Variants in TMEM200C observed in about 807,000 individuals in gnomAD.
TMEM200C encodes transmembrane protein TTMA.
For synonymous variants in TMEM200C, 462 were observed against 324.7 expected, an observed-to-expected ratio of 1.42 and a Z score of -4.55; for missense variants, 966 against 699.9, an observed-to-expected ratio of 1.38 and a Z score of -4.29.
intron 2 of TMEM200C, among the ~76,000 whole-genome samples, chr18:5,893,063 G>A (rs1240180191): frequency 2.0e-5 from 3 of 152,134 alleles, no homozygotes; most frequent in Admixed American, 1.3e-4. Context: ...CAGGGAATTT[G>A]AGAAGTCCCC....
chr18:5,883,613 A>C (rs2095163299), exon 3 of TMEM200C: 1 of 152,176 alleles, frequency 6.6e-6, no homozygotes, highest in Admixed American at 6.5e-5. Flanking sequence ...AACAAAGATA[A>C]ATTATTTATG....
chr18:5,891,566 C>T lies in TMEM200C; in HGVS notation c.498G>A (p.Lys166=), dbSNP rs755948909. ...TGCCCATGATGAGGGGCCCGAAGACCTTGAGCTTGTCAGAGTGCAGGTAGC... is the reference window on the plus strand; with the variant it reads ...TGCCCATGATGAGGGGCCCGAAGACTTTGAGCTTGTCAGAGTGCAGGTAGC... The change falls in exon 3 of 3, where the codon AAG becomes AAA. Residue 166 remains lysine (K), a synonymous_variant. Coordinates refer to ENST00000581347, the Ensembl canonical transcript of TMEM200C. The surrounding 1 kb of genome is among the most constrained non-coding windows in gnomAD (Gnocchi z 4.7). 4.0e-5 allele frequency: 64 copies of T among 1,613,676 alleles called. No individual in the cohort carries two copies. The highest frequency in any genetic ancestry group is 5.2e-5 in the Non-Finnish European group (61 of 1,179,838).
At chr18:5,889,213 A>C (rs895326935) in exon 3 of TMEM200C, 1 of 152,210 alleles carries the variant, frequency 6.6e-6, no homozygotes, top group Admixed American at 6.5e-5. Context: ...TATTTACTTA[A>C]CGTTTCATTC....
chr18:5,890,680 C>A (rs896400866), exon 3 of TMEM200C: 3 of 539,786 alleles, frequency 5.6e-6, no homozygotes, highest in South Asian at 6.8e-5. Context: ...GCGTACCTGC[C>A]GGTCCTGGGC....
At chr18:5,895,835 T>C (rs2095175767) in intron 1 of TMEM200C, 1 of 151,086 alleles carries the variant, frequency 6.6e-6, no homozygotes, top group African/African-American at 2.4e-5. Flanking sequence ...GGCAGCTTTG[T>C]TCTTCTTTCC....
chr18:5,890,120 C>G lies in TMEM200C; in HGVS notation c.*78G>C, dbSNP rs1451134808. 2.8e-5 allele frequency: 38 copies of G among 1,341,900 alleles called. No individual in the cohort carries two copies. The East Asian group carries it at 9.5e-4, about 34-fold the overall frequency. 83.1% of individuals were successfully genotyped at this position (1,341,900 alleles called of 1,614,324 possible). A position where few individuals can be genotyped will look rare whatever the true frequency, so the allele number is the denominator to read the frequency against. On this transcript the variant is annotated 3_prime_UTR_variant, in exon 3 of 3. Transcript: ENST00000581347. ...TCCTCGGATCAGTCCACAAAAGAAA[C>G]AGGGACCTGTTAATGCACTGATTCA...
exon 3 of TMEM200C, chr18:5,884,339 A>T (rs528354459): frequency 1.3e-5 from 2 of 152,184 alleles, no homozygotes; most frequent in South Asian, 4.2e-4. Context: ...CACCTTTCCC[A>T]GCTTTTTGTA....
rs1182271929 is a variant in TMEM200C, at chr18:5,891,245, G to A, written c.819C>T (p.Phe273=). ...CCTTGGCCAGCATCGCCGCCGCTCC[G>A]AAGGCGTCCCCGGAGCCACCGCAGC... The change falls in exon 3 of 3, where the codon TTC becomes TTT. Residue 273 remains phenylalanine (F), a synonymous_variant. Coordinates refer to ENST00000581347, the Ensembl canonical transcript of TMEM200C. The surrounding 1 kb of genome is among the most constrained non-coding windows in gnomAD (Gnocchi z 4.7). The A allele has an allele frequency of 1.5e-6, 2 of 1,372,032 alleles. No individual in the cohort carries two copies. Among genetic ancestry groups the A allele is most frequent in the Non-Finnish European group, 1.9e-6 (2 of 1,057,066 alleles). The allele number at this position is 1,372,032 out of a possible 1,614,324, so 85.0% of individuals were successfully genotyped here.
At chr18:5,895,560 GCGC>G (rs1245072809) in intron 1 of TMEM200C, 38 bp from the exon 1 acceptor site, 1 of 145,230 alleles carries the variant, frequency 6.9e-6, no homozygotes, top group Non-Finnish European at 1.5e-5. Flanking sequence ...GAGTCGGGGG[GCGC>G]CCCCGCCCCC....
chr18:5,895,929 C>G (rs752841288), exon 1 of TMEM200C: 3 of 152,444 alleles, frequency 2.0e-5, no homozygotes, highest in Non-Finnish European at 2.9e-5. Flanking sequence ...GAGGGGCGCT[C>G]TCGGGGAGCT....
chr18:5,885,616 A>G (rs1381124592), exon 3 of TMEM200C: 2 of 152,228 alleles, frequency 1.3e-5, no homozygotes, highest in Non-Finnish European at 2.9e-5. Flanking sequence ...TTCTGATGTC[A>G]TAGATGAACG....
At chr18:5,890,070 G>T in exon 3 of TMEM200C, 2 of 849,730 alleles carry the variant, frequency 2.4e-6, no homozygotes, top group Non-Finnish European at 1.7e-6. Context: ...ATAACATTCT[G>T]CAGCTCTTTG....
exon 3 of TMEM200C, chr18:5,887,457 A>C (rs967045590): frequency 2.0e-5 from 3 of 152,178 alleles, no homozygotes; most frequent in African/African-American, 7.2e-5. Flanking sequence ...CAGGAAATAA[A>C]GAATATATAA....
At chr18:5,884,378 G>A (rs2095163904) in exon 3 of TMEM200C, 1 of 152,022 alleles carries the variant, frequency 6.6e-6, no homozygotes, top group East Asian at 1.9e-4. Flanking sequence ...CATTTCTCAA[G>A]ACTCAGCTGG....
intron 2 of TMEM200C, among the ~76,000 whole-genome samples, chr18:5,893,356 A>C (rs1268545553): frequency 6.6e-6 from 1 of 152,132 alleles, no homozygotes; most frequent in African/African-American, 2.4e-5. Flanking sequence ...GGGTGGCAAC[A>C]ATCAATGGAC....
intron 2 of TMEM200C, among the ~76,000 whole-genome samples, chr18:5,893,661 G>A (rs1259618466): frequency 6.6e-6 from 1 of 152,194 alleles, no homozygotes; most frequent in South Asian, 2.1e-4. Context: ...GTAGAATTTT[G>A]CTTTTAATTG....
At position 5,891,629 on chromosome 18, in the gene TMEM200C, G is replaced by A. The variant is rs2095171220; in HGVS notation, c.435C>T (p.Ser145=). Residue 145 remains serine, a synonymous_variant, in exon 3 of 3, where the codon TCC becomes TCT. Transcript: ENST00000581347. The surrounding 1 kb of genome is among the most constrained non-coding windows in gnomAD (Gnocchi z 4.7). ...GGAAGAAGAAGCCCACGGACGTGGAGGAGGAGGACGGGGAGGCGGCTCGTG... is the reference window on the plus strand; with the variant it reads ...GGAAGAAGAAGCCCACGGACGTGGAAGAGGAGGACGGGGAGGCGGCTCGTG... The A allele has an allele frequency of 1.2e-6, 2 of 1,613,894 alleles. No homozygotes were observed. The highest frequency in any genetic ancestry group is 2.2e-5 in the East Asian group (1 of 44,828).
rs752823779 is a variant in TMEM200C, at chr18:5,891,646, C to A, written c.418G>T (p.Ala140Ser). 1.9e-6 allele frequency: 3 copies of A among 1,613,756 alleles called. No individual in the cohort carries two copies. The highest frequency in any genetic ancestry group is 1.7e-5 in the Admixed American group (1 of 60,020). The change falls in exon 3 of 3, where the codon GCC becomes TCC. Residue 140 changes from alanine to serine, a missense_variant. Coordinates refer to ENST00000581347, the Ensembl canonical transcript of TMEM200C. The surrounding 1 kb of genome is among the most constrained non-coding windows in gnomAD (Gnocchi z 4.7). ...GACGTGGAGGAGGAGGACGGGGAGG[C>A]GGCTCGTGCTGGAGGCGTGCTCCTG...
intron 2 of TMEM200C, among the ~76,000 whole-genome samples, chr18:5,892,429 G>T (rs138294277): frequency 9.8e-4 from 149 of 152,130 alleles, no homozygotes; most frequent in African/African-American, 3.4e-3. Flanking sequence ...TCTTCTCCTC[G>T]CTCCCCACCC....
Sources: allele counts gnomAD v4.1 joint callset (sites outside exome capture counted in the v4.1 genomes callset), GRCh38; gene constraint gnomAD v4.1.1; non-coding constraint Gnocchi (gnomAD v3.1); transcripts MANE v1.5; gene names NCBI Gene and HGNC (gene_info 2026-07-23, HGNC 2026-07-21).